The following PTPRM variants were observed in gnomAD, a reference collection of about 807,000 sequenced individuals.
The protein encoded by PTPRM is protein tyrosine phosphatase receptor type M.
A neutral mutation model predicts 186.7 loss-of-function variants in PTPRM; 47 were observed. That is an observed-to-expected ratio of 0.25 (90% CI 0.20 to 0.32). PTPRM has a LOEUF of 0.32. PTPRM is among the 10% of genes least tolerant of loss of function. PTPRM has a pLI of 1.00. For synonymous variants in PTPRM, 668 were observed against 674.9 expected, an observed-to-expected ratio of 0.99 and a Z score of 0.16; for missense variants, 1,494 against 1,865.0, an observed-to-expected ratio of 0.80 and a Z score of 3.66.
intron 1 of PTPRM, among the ~76,000 whole-genome samples, chr18:7,620,833 G>T (rs920214056): frequency 6.6e-6 from 1 of 152,142 alleles, no homozygotes; most frequent in Non-Finnish European, 1.5e-5. Context: ...GAAAGAGGCA[G>T]TAATATTTGA....
intron 1 of PTPRM, among the ~76,000 whole-genome samples, chr18:7,713,915 A>T (rs566827414): frequency 4.7e-4 from 71 of 152,212 alleles, no homozygotes; most frequent in African/African-American, 1.5e-3. Flanking sequence ...AGACTCCCAC[A>T]TAGTAATAGT....
chr18:8,292,910 C>T (rs2147854340), intron 19 of PTPRM, among the ~76,000 whole-genome samples: 1 of 152,262 alleles, frequency 6.6e-6, no homozygotes, highest in East Asian at 1.9e-4. Context: ...GTTTTCTTCT[C>T]AAGGTCATTG....
In PTPRM at chr18:8,387,181, A is replaced by G; in HGVS notation, c.4154A>G (p.Asp1385Gly). ...TTCTTGAAGCTCATTCGCCAGGTGG[A>G]CAAGTGGCAAGAGGAGTACAATGGC... ...RSFLKLIRQV[D>G]KWQEEYNGGE... The change falls in exon 31 of 33, where the codon GAC becomes GGC. Residue 1385 changes from aspartate (D) to glycine (G), a missense_variant. Around this residue, in one of 3 missense-constraint regions of PTPRM, gnomAD observed 1,107 missense variants for 1,350.2 expected, o/e 0.82. Coordinates refer to ENST00000580170, the MANE Select transcript of PTPRM (RefSeq NM_001105244.2). The G allele has an allele frequency of 6.2e-7, 1 of 1,613,850 alleles. No homozygotes were observed. The highest frequency in any genetic ancestry group is 8.5e-7 in the Non-Finnish European group (1 of 1,179,720).
chr18:8,104,483 T>A (rs929785003), intron 11 of PTPRM, among the ~76,000 whole-genome samples: 1 of 152,176 alleles, frequency 6.6e-6, no homozygotes, highest in Non-Finnish European at 1.5e-5. Context: ...CTTGCTCCAT[T>A]GTCCAGGCTG....
rs1598427373 is a variant in PTPRM, at chr18:7,568,298, C to T, written c.73+407C>T. The stretch of plus-strand genomic sequence containing the variant: ...GCCTGGCGTAGGCGCTGCGCGGTCC[C>T]CGCCGACCCCGAGCAGCGGCCGGGC... On this transcript the variant is annotated intron_variant, in intron 1 of 32. Coordinates refer to ENST00000580170, the MANE Select transcript of PTPRM (RefSeq NM_001105244.2). The surrounding 1 kb of genome is among the most constrained non-coding windows in gnomAD (Gnocchi z 5.1). Among the ~76,000 whole-genome samples the T allele has an allele frequency of 1.3e-5, 2 of 151,846 alleles. No homozygotes were observed. Among genetic ancestry groups the T allele is most frequent in the African/African-American group, 2.4e-5 (1 of 41,408 alleles).
At chr18:7,656,740 A>G (rs1217225665) in intron 1 of PTPRM, among the ~76,000 whole-genome samples, 2 of 152,232 alleles carry the variant, frequency 1.3e-5, no homozygotes, top group Non-Finnish European at 2.9e-5. Context: ...TGGTGGAACT[A>G]TGGAACTAGG....
chr18:8,232,678 C>T (rs1441366199), intron 14 of PTPRM, among the ~76,000 whole-genome samples: 1 of 152,156 alleles, frequency 6.6e-6, no homozygotes, highest in East Asian at 1.9e-4. Flanking sequence ...TGGGGTTTCA[C>T]CATGTTGGCA....
intron 23 of PTPRM, among the ~76,000 whole-genome samples, chr18:8,346,417 G>A (rs981204797): frequency 3.9e-5 from 6 of 152,328 alleles, no homozygotes; most frequent in African/African-American, 1.2e-4. Context: ...GTCAGAGAGA[G>A]CGCACGCTCT....
At chr18:8,170,495 TAA>T (rs754885084) in intron 14 of PTPRM, among the ~76,000 whole-genome samples, 138 of 133,172 alleles carry the variant, frequency 1.0e-3, no homozygotes, top group Admixed American at 1.2e-3. Context: ...GCTCAAGGGT[TAA>T]AAAAAAAAAA....
chr18:8,256,828 G>C (rs752101629), intron 19 of PTPRM, among the ~76,000 whole-genome samples: 1 of 152,208 alleles, frequency 6.6e-6, no homozygotes, highest in Non-Finnish European at 1.5e-5. Flanking sequence ...TGCTATAATA[G>C]TATTTCCATA....
chr18:8,013,182 TAATAAAAATTTTCAATTTGTTTGAA>T (rs1372387123), intron 7 of PTPRM, among the ~76,000 whole-genome samples: 3 of 152,286 alleles, frequency 2.0e-5, no homozygotes, highest in South Asian at 2.1e-4. Flanking sequence ...TAGTATTAAA[TAATAAAAATTTTCAATTTGTTTGAA>T]AATAAAAATT....
chr18:7,656,777 A>G (rs2038859456), intron 1 of PTPRM, among the ~76,000 whole-genome samples: 1 of 152,074 alleles, frequency 6.6e-6, no homozygotes, highest in Non-Finnish European at 1.5e-5. Context: ...TTCCCTATTC[A>G]TGGTGGGGAT....
At chr18:8,233,861 A>T (rs1338801520) in intron 14 of PTPRM, among the ~76,000 whole-genome samples, 4 of 152,146 alleles carry the variant, frequency 2.6e-5, no homozygotes, top group Admixed American at 6.6e-5. Flanking sequence ...ATTTTTCTGC[A>T]TGTGGATGTC....
chr18:8,335,959 T>G (rs1357025515), intron 22 of PTPRM, among the ~76,000 whole-genome samples: 2 of 151,968 alleles, frequency 1.3e-5, no homozygotes, highest in Non-Finnish European at 2.9e-5. Context: ...AAGCCAGAGG[T>G]TACAGTGACC....
At chr18:7,730,119 C>T (rs76373405) in intron 1 of PTPRM, among the ~76,000 whole-genome samples, 2,989 of 152,124 alleles carry the variant, frequency 0.02, 86 homozygotes, top group East Asian at 0.11. Flanking sequence ...CAAAATGGAC[C>T]CTTGTAAATG....
chr18:8,085,720 A>G lies in PTPRM; in HGVS notation c.1601A>G (p.Asn534Ser), dbSNP rs1279127333. Residue 534 changes from asparagine to serine, a missense_variant, in exon 10 of 33, where the codon AAT becomes AGT. Asn to Ser is a conservative substitution (Grantham distance 46). Around this residue, in one of 3 missense-constraint regions of PTPRM, gnomAD observed 1,107 missense variants for 1,350.2 expected, o/e 0.82. Transcript: ENST00000580170. ...TTTGACCCAGAAATAGATTTATCCA[A>G]TCAGAGTGGAAGAGTTTCAAAGCTG... ...SSFDPEIDLSNQSGRVSKLGN... is the reference protein window; with the variant it reads ...SSFDPEIDLSSQSGRVSKLGN... 3.7e-6 allele frequency: 6 copies of G among 1,611,388 alleles called. No homozygotes were observed. Among genetic ancestry groups the G allele is most frequent in the Non-Finnish European group, 5.1e-6 (6 of 1,177,786 alleles).
chr18:8,230,143 C>A (rs1054440992), intron 14 of PTPRM, among the ~76,000 whole-genome samples: 1 of 152,148 alleles, frequency 6.6e-6, no homozygotes. Context: ...TTTGATATAA[C>A]CCCATGGTGT....
At chr18:8,023,870 A>ACAGG (rs71354588) in intron 7 of PTPRM, among the ~76,000 whole-genome samples, 1 of 149,264 alleles carries the variant, frequency 6.7e-6, no homozygotes, top group Non-Finnish European at 1.5e-5. Flanking sequence ...ACACACACAC[A>ACAGG]CGCACACCCC....
intron 7 of PTPRM, among the ~76,000 whole-genome samples, chr18:8,046,968 C>G (rs1600242534): frequency 6.6e-6 from 1 of 152,264 alleles, no homozygotes; most frequent in Non-Finnish European, 1.5e-5. Flanking sequence ...GAGAAGGTGT[C>G]TAGAACTTCA....
Sources: gnomAD v4.1 joint callset for allele counts (sites outside exome capture counted in the v4.1 genomes callset) on GRCh38, gnomAD v4.1.1 for gene constraint, gnomAD v4.1.1 regional missense constraint, Gnocchi (gnomAD v3.1) non-coding constraint, MANE v1.5 for transcripts, NCBI Gene and HGNC (gene_info 2026-07-23, HGNC 2026-07-21) for gene names.